DNAH17: variants seen among roughly 807,000 people sequenced by gnomAD.
The protein encoded by DNAH17 is axonemal beta dynein heavy chain 17.
DNAH17 carries 376 observed loss-of-function variants against 485.6 expected under a neutral mutation model. The observed-to-expected ratio is 0.77, with a 90% CI of 0.71 to 0.84. The LOEUF is 0.84. Among genes scored for constraint, DNAH17 ranks in the 40% least tolerant of loss-of-function variants. The probability of loss-of-function intolerance (pLI) is 0.00; values close to 1 mark genes in which losing one functional copy is unlikely to be tolerated. For missense variants in DNAH17, 6,370 were observed against 5,839.3 expected, an observed-to-expected ratio of 1.09 and a Z score of -2.96; for synonymous variants, 3,031 against 2,405.9, an observed-to-expected ratio of 1.26 and a Z score of -7.60.
Position 78,444,614 on chromosome 17 carries a change from A to G in DNAH17, c.11518T>C (p.Tyr3840His). The change falls in exon 71 of 81, where the codon TAC becomes CAC. Residue 3840 changes from tyrosine (Y) to histidine (H), a missense_variant. By Grantham distance (83) the Tyr-to-His change is moderately conservative. Transcript: ENST00000389840. ...CGGCGGGACACTCACTTGATAGCGT[A>G]GGTCATGCGATCTGGCCGCAGGCAG... ...VRCLRPDRMT[Y>H]AIKNFVEEKM... 1 of 1,567,010 alleles carries G rather than the reference A, an allele frequency of 6.4e-7. No homozygotes were observed. Among genetic ancestry groups the G allele is most frequent in the Non-Finnish European group, 8.6e-7 (1 of 1,157,008 alleles).
intron 16 of DNAH17, among the ~76,000 whole-genome samples, chr17:78,547,603 C>G (rs2143524845): frequency 6.8e-6 from 1 of 146,646 alleles, no homozygotes; most frequent in South Asian, 2.2e-4. Context: ...TCTATTACAT[C>G]TTTGTTCATT....
intron 69 of DNAH17, among the ~76,000 whole-genome samples, chr17:78,447,125 C>G (rs2087342900): frequency 6.6e-6 from 1 of 152,112 alleles, no homozygotes; most frequent in Non-Finnish European, 1.5e-5. Context: ...GAGATGGGGT[C>G]TTGCTATATT....
At chr17:78,457,649 G>T (rs142256868) in intron 62 of DNAH17, among the ~76,000 whole-genome samples, 5 of 142,312 alleles carry the variant, frequency 3.5e-5, no homozygotes, top group African/African-American at 1.3e-4. Flanking sequence ...GCGCACAGCC[G>T]TGCCTGGCTT....
intron 62 of DNAH17, among the ~76,000 whole-genome samples, chr17:78,457,859 C>T (rs1287541995): frequency 6.6e-6 from 1 of 152,122 alleles, no homozygotes; most frequent in Non-Finnish European, 1.5e-5. Context: ...CAGGGTTTTA[C>T]CATGTTGGCC....
intron 18 of DNAH17, among the ~76,000 whole-genome samples, chr17:78,539,056 C>A (rs140339515): frequency 3.2e-4 from 49 of 152,140 alleles, no homozygotes; most frequent in African/African-American, 1.0e-3. Flanking sequence ...GATGGTGAAC[C>A]CTTGCCTCTA....
At chr17:78,501,008 C>T in intron 35 of DNAH17, 176 bp downstream of exon 35, 2 of 680,732 alleles carry the variant, frequency 2.9e-6, no homozygotes, top group South Asian at 7.1e-5. Context: ...CAAGGCCACA[C>T]AGCCGGTGCT....
chr17:78,563,748 G>A (rs1296644338), intron 11 of DNAH17, among the ~76,000 whole-genome samples: 5 of 149,614 alleles, frequency 3.3e-5, no homozygotes, highest in African/African-American at 2.5e-5. Context: ...AACTAACTCC[G>A]GAACAGGCAG....
At position 78,459,845 on chromosome 17, in the gene DNAH17, G is replaced by T. The variant is rs527324078; in HGVS notation, c.9592C>A (p.Leu3198Ile). The T allele has an allele frequency of 1.9e-6, 3 of 1,614,024 alleles. No individual in the cohort carries two copies. The highest frequency in any genetic ancestry group is 2.7e-5 in the African/African-American group (2 of 75,060). The change falls in exon 60 of 81, where the codon CTA (leucine) becomes ATA (isoleucine). Residue 3198 changes from leucine to isoleucine, a missense_variant. Leu to Ile is a conservative substitution (Grantham distance 5, BLOSUM62 2). Coordinates refer to ENST00000389840, the MANE Select transcript of DNAH17 (RefSeq NM_173628.4). ...TTGTCGAACTTCTTCAGGGAGTCTA[G>T]GAAGGTGTCCACCTTGCCCATCATG... is the stretch of plus-strand genomic sequence containing the variant. ...KIMMGKVDTF[L>I]DSLKKFDKEH...
rs1435376663 is a variant in DNAH17, at chr17:78,506,845, A to C, written c.4678T>G (p.Leu1560Val). 1.2e-6 allele frequency: 2 copies of C among 1,613,972 alleles called. No individual in the cohort carries two copies. The highest frequency in any genetic ancestry group is 1.7e-6 in the Non-Finnish European group (2 of 1,179,876). ...GCCAAAGCCTTTTCACAGATGGCCA[A>C]GCTGGGAGGAAGGAAGGAAGTAGAG... ...YNKLEALKKS[L>V]AICEKALAEY... is the part of the protein sequence containing the mutation. The change falls in exon 30 of 81, where the codon TTG becomes GTG. Residue 1560 changes from leucine (L) to valine (V), a missense_variant and splice_region_variant. Transcript: ENST00000389840.
chr17:78,465,232 C>A (rs1223088208), intron 56 of DNAH17, among the ~76,000 whole-genome samples: 1 of 152,200 alleles, frequency 6.6e-6, no homozygotes, highest in East Asian at 1.9e-4. Flanking sequence ...TCACTCAGTG[C>A]TCAATGGTGC....
rs923775598 is a variant in DNAH17, at chr17:78,561,942, C to G, written c.1608G>C (p.Leu536=). 6.8e-6 allele frequency: 11 copies of G among 1,612,514 alleles called. No individual in the cohort carries two copies. The highest frequency in any genetic ancestry group is 3.3e-5 in the Admixed American group (2 of 59,932). ...ACCTGGGCGCCACCTCGGCAAGAAT[C>G]AGGGGCCGCTCCATGAGGCCCCCAC... is the stretch of plus-strand genomic sequence containing the variant. ...YMCGGLMERP[L]ILAEVAPRYS... The change falls in exon 12 of 81, where the codon CTG becomes CTC. Residue 536 remains leucine (L), a synonymous_variant. Coordinates refer to ENST00000389840, the MANE Select transcript of DNAH17 (RefSeq NM_173628.4).
intron 10 of DNAH17, 25 bp from the exon 11 acceptor site, chr17:78,566,755 C>T (rs1294823819): frequency 1.2e-5 from 19 of 1,554,066 alleles, no homozygotes; most frequent in Non-Finnish European, 1.7e-5. Flanking sequence ...AAATGTCAAC[C>T]TTGTAATCAG....
intron 16 of DNAH17, among the ~76,000 whole-genome samples, chr17:78,546,568 C>T (rs1233397600): frequency 2.0e-5 from 3 of 152,100 alleles, no homozygotes; most frequent in African/African-American, 7.2e-5. Context: ...CTAGAACTTG[C>T]CATTAAGTTT....
chr17:78,435,831 G>A (rs1598444361), intron 74 of DNAH17, among the ~76,000 whole-genome samples: 1 of 152,214 alleles, frequency 6.6e-6, no homozygotes, highest in African/African-American at 2.4e-5. Context: ...TCACACTAGG[G>A]TGCTGCTTCC....
rs567048413 is a variant in DNAH17, at chr17:78,574,094, C to T, written c.345+619G>A. Among the ~76,000 whole-genome samples the T allele has an allele frequency of 3.8e-3, 577 of 152,332 alleles. 2 individuals carry two copies. Among genetic ancestry groups the T allele is most frequent in the Non-Finnish European group, 6.5e-3 (445 of 68,036 alleles). On this transcript the variant is annotated intron_variant, in intron 2 of 80. Coordinates refer to ENST00000389840, the MANE Select transcript of DNAH17 (RefSeq NM_173628.4). The stretch of plus-strand genomic sequence containing the variant: ...CCAGGCCATGGGCAGCAACCGTACC[C>T]GGCACAGCATGGCAGTCTCAATGCT...
chr17:78,533,488 C>T (rs1209639157), intron 19 of DNAH17, among the ~76,000 whole-genome samples: 1 of 152,100 alleles, frequency 6.6e-6, no homozygotes, highest in African/African-American at 2.4e-5. Context: ...TAAAGGAAGT[C>T]TACTGTCGGT....
intron 55 of DNAH17, 64 bp from the exon 56 acceptor site, chr17:78,466,880 C>T (rs2088493475): frequency 7.0e-7 from 1 of 1,433,434 alleles, no homozygotes; most frequent in South Asian, 1.5e-5. Context: ...TAATCCATCA[C>T]TCTGCAGAAA....
chr17:78,502,200 A>C (rs1477278837), intron 33 of DNAH17: 1 of 380,238 alleles, frequency 2.6e-6, no homozygotes, highest in African/African-American at 2.1e-5. Flanking sequence ...ACACACACAG[A>C]GTAACAGGTT....
In DNAH17 at chr17:78,543,210, G is replaced by A. The variant is rs571104035; in HGVS notation, c.2532+647C>T. The stretch of plus-strand genomic sequence containing the variant: ...GTTCACTGCCACCTCCGCCTCCCAG[G>A]GTCAAGCGATTCTCCTGCCTCAGCC... On this transcript the variant is annotated intron_variant, in intron 17 of 80. Transcript: ENST00000389840. 1.9e-4 allele frequency among the ~76,000 whole-genome samples: 29 copies of A among 152,280 alleles called. No homozygotes were observed. The South Asian group carries it at 5.2e-3, about 27-fold the overall frequency.
Sources: allele counts gnomAD v4.1 joint callset (sites outside exome capture counted in the v4.1 genomes callset), GRCh38; gene constraint gnomAD v4.1.1; transcripts MANE v1.5; gene names NCBI Gene and HGNC (gene_info 2026-07-23, HGNC 2026-07-21).